The following MDGA2 variants were observed in gnomAD, a reference collection of about 807,000 sequenced individuals.
The protein encoded by MDGA2 is MAM domain-containing glycosylphosphatidylinositol anchor protein 2.
MDGA2 carries 40 observed loss-of-function variants against 117.8 expected under a neutral mutation model. The observed-to-expected ratio is 0.34, with a 90% confidence interval of 0.26 to 0.44. The LOEUF (loss-of-function observed/expected upper bound fraction) is 0.44, where lower values mean the gene tolerates loss of function less well. Ranked by LOEUF, MDGA2 falls within the 20% of genes least tolerant of loss-of-function variation. MDGA2 has a pLI of 1.00. For missense variants in MDGA2, 1,123 were observed against 1,250.6 expected, an observed-to-expected ratio of 0.90 and a Z score of 1.54; for synonymous variants, 452 against 439.0, an observed-to-expected ratio of 1.03 and a Z score of -0.37.
intron 10 of MDGA2, 117 bp from the exon 11 acceptor site, chr14:46,882,338 CG>C (rs1882494968): frequency 1.3e-6 from 1 of 788,942 alleles, no homozygotes; most frequent in East Asian, 3.0e-5. Flanking sequence ...TTAATGAATA[CG>C]TATTATTAAA....
chr14:47,196,027 T>C (rs138652254), intron 3 of MDGA2, among the ~76,000 whole-genome samples: 6 of 152,182 alleles, frequency 3.9e-5, no homozygotes, highest in Admixed American at 1.3e-4. Context: ...ACTAGTTAAA[T>C]AGTAAACTTA....
At chr14:46,914,153 T>C (rs981527809) in intron 10 of MDGA2, among the ~76,000 whole-genome samples, 17 of 152,132 alleles carry the variant, frequency 1.1e-4, no homozygotes, top group African/African-American at 4.1e-4. Context: ...GCTTGGTATA[T>C]TTAGATAACT....
intron 1 of MDGA2, among the ~76,000 whole-genome samples, chr14:47,574,201 T>C (rs916378545): frequency 3.3e-5 from 5 of 152,184 alleles, no homozygotes; most frequent in Non-Finnish European, 7.3e-5. Context: ...TCAAACACTA[T>C]TGTCCTTGCT....
At chr14:47,157,957 T>C (rs565510127) in intron 3 of MDGA2, among the ~76,000 whole-genome samples, 2 of 152,022 alleles carry the variant, frequency 1.3e-5, no homozygotes, top group African/African-American at 4.8e-5. Context: ...TAAATTATTG[T>C]CTTGGGTATT....
At chr14:47,544,196 T>G (rs77760955) in intron 1 of MDGA2, among the ~76,000 whole-genome samples, 1 of 152,036 alleles carries the variant, frequency 6.6e-6, no homozygotes, top group East Asian at 1.9e-4. Context: ...TTATTAAAAG[T>G]CAAATTGTGT....
At chr14:47,072,917 T>G (rs923168515) in intron 6 of MDGA2, among the ~76,000 whole-genome samples, 34 of 152,214 alleles carry the variant, frequency 2.2e-4, no homozygotes, top group African/African-American at 7.2e-4. Flanking sequence ...ATCCTAATTA[T>G]AACATTTGAA....
At chr14:47,389,031 A>G (rs1337828043) in intron 1 of MDGA2, among the ~76,000 whole-genome samples, 1 of 152,242 alleles carries the variant, frequency 6.6e-6, no homozygotes, top group Admixed American at 6.5e-5. Context: ...ATTGCAACAG[A>G]GGCTTTGTGC....
chr14:46,943,209 A>C (rs987803293), intron 9 of MDGA2, among the ~76,000 whole-genome samples: 1 of 151,954 alleles, frequency 6.6e-6, no homozygotes, highest in Non-Finnish European at 1.5e-5. Flanking sequence ...CCATGCCAGC[A>C]TTTTTATGTC....
chr14:47,603,921 C>T (rs1210562530), intron 1 of MDGA2, among the ~76,000 whole-genome samples: 1 of 152,140 alleles, frequency 6.6e-6, no homozygotes, highest in Non-Finnish European at 1.5e-5. Context: ...CTTTCTTGCT[C>T]CTGCTCTTGC....
chr14:47,198,296 G>C (rs991801065), intron 3 of MDGA2, among the ~76,000 whole-genome samples: 25 of 152,282 alleles, frequency 1.6e-4, no homozygotes, highest in African/African-American at 6.0e-4. Flanking sequence ...TTGAGGGCTG[G>C]ACATGGTGGC....
chr14:47,284,572 A>G (rs904885111), intron 2 of MDGA2, among the ~76,000 whole-genome samples: 1 of 152,158 alleles, frequency 6.6e-6, no homozygotes, highest in African/African-American at 2.4e-5. Context: ...GTTGACTTGC[A>G]TGCATTCTCA....
At chr14:47,359,197 T>C (rs560354966) in intron 1 of MDGA2, among the ~76,000 whole-genome samples, 23 of 152,092 alleles carry the variant, frequency 1.5e-4, no homozygotes, top group African/African-American at 5.5e-4. Flanking sequence ...CTACTAAAAA[T>C]GCAAAAATTA....
chr14:47,278,978 T>C (rs562791983), intron 2 of MDGA2, among the ~76,000 whole-genome samples: 2 of 152,300 alleles, frequency 1.3e-5, no homozygotes, highest in South Asian at 4.1e-4. Flanking sequence ...CTGCATAGTA[T>C]TCTGCTTTTT....
chr14:47,056,991 T>C (rs1014410423), intron 7 of MDGA2, among the ~76,000 whole-genome samples: 1 of 152,120 alleles, frequency 6.6e-6, no homozygotes, highest in African/African-American at 2.4e-5. Context: ...AATTTTAACT[T>C]ACCTGCAGTC....
At chr14:46,992,673 A>G (rs1480340734) in intron 8 of MDGA2, among the ~76,000 whole-genome samples, 1 of 152,302 alleles carries the variant, frequency 6.6e-6, no homozygotes. Context: ...GTAATTTGAT[A>G]GAGACCGGAG....
chr14:47,031,066 G>C lies in MDGA2; in HGVS notation c.1819+3945C>G, dbSNP rs909119187. On this transcript the variant is annotated intron_variant, in intron 8 of 16. Coordinates refer to ENST00000399232, the MANE Select transcript of MDGA2 (RefSeq NM_001113498.3). ...TTTAACAAGAGGCATTAATTAGTGA[G>C]AGTAAGTAATTCAAAAAGTTTGTAT... Among the ~76,000 whole-genome samples the C allele has an allele frequency of 3.3e-5, 5 of 152,050 alleles. No homozygotes were observed. In the East Asian group the frequency reaches 9.6e-4, roughly 29 times the overall value.
intron 3 of MDGA2, among the ~76,000 whole-genome samples, chr14:47,176,218 A>G (rs919066706): frequency 3.8e-4 from 58 of 152,290 alleles, no homozygotes; most frequent in African/African-American, 1.2e-3. Context: ...GAAAATGGCC[A>G]TACTGCCCAA....
intron 8 of MDGA2, among the ~76,000 whole-genome samples, chr14:46,994,074 T>C (rs890551100): frequency 1.3e-5 from 2 of 152,082 alleles, no homozygotes; most frequent in African/African-American, 4.8e-5. Context: ...GATCAATCAA[T>C]CATACCTATA....
chr14:47,643,994 G>C (rs1897477083), intron 1 of MDGA2, among the ~76,000 whole-genome samples: 1 of 152,162 alleles, frequency 6.6e-6, no homozygotes, highest in Non-Finnish European at 1.5e-5. Flanking sequence ...GTGGATCAGA[G>C]TGTAGACCAG....
Sources: allele counts gnomAD v4.1 joint callset (sites outside exome capture counted in the v4.1 genomes callset), GRCh38; gene constraint gnomAD v4.1.1; transcripts MANE v1.5; gene names NCBI Gene and HGNC (gene_info 2026-07-23, HGNC 2026-07-21).